Variants in USP16 observed in about 807,000 individuals in gnomAD.
USP16 encodes ubiquitin specific peptidase 16.
In USP16, 77 loss-of-function variants were observed where a neutral mutation model predicts 95.9. The observed-to-expected ratio is 0.80, with a 90% CI of 0.67 to 0.97. USP16 has a LOEUF of 0.97. Ranked by LOEUF, USP16 falls within the 50% of genes least tolerant of loss-of-function variation. The pLI is 0.00. For missense variants in USP16, 943 were observed against 959.9 expected (o/e 0.98, Z 0.23); for synonymous variants, 303 against 318.2 (o/e 0.95, Z 0.51).
At chr21:29,026,525 T>A in intron 1 of USP16, 1 of 139,126 alleles carries the variant, frequency 7.2e-6, no homozygotes, top group South Asian at 2.4e-4. Flanking sequence ...AACCCAAACA[T>A]CTGCATTTTA....
intron 2 of USP16, among the ~76,000 whole-genome samples, chr21:29,030,301 G>A (rs372904983): frequency 2.6e-4 from 39 of 152,042 alleles, no homozygotes; most frequent in African/African-American, 9.4e-4. Flanking sequence ...TATGATAAAG[G>A]GCCTTAATTT....
At chr21:29,038,029 A>C (rs2832155) in intron 6 of USP16, among the ~76,000 whole-genome samples, 102,153 of 152,098 alleles carry the variant, frequency 0.67, 35,141 homozygotes, top group South Asian at 0.78. Context: ...CCTCATATAG[A>C]AGCAAATACG....
intron 13 of USP16, among the ~76,000 whole-genome samples, chr21:29,046,240 G>A (rs1002571966): frequency 6.6e-6 from 1 of 152,182 alleles, no homozygotes; most frequent in Admixed American, 6.5e-5. Flanking sequence ...GGGCTCAAGT[G>A]ATCCTCCCAC....
Position 29,030,616 on chromosome 21 carries a change from G to C in USP16, c.83G>C (p.Arg28Thr), listed in dbSNP as rs2146361823. Residue 28 changes from arginine (R) to threonine (T), a missense_variant, in exon 3 of 18, where the codon AGA becomes ACA. Transcript: ENST00000399976. ...ATAGAACCTGTGTGCAGACACATTA[G>C]AAAAGGATTGGAACAAGGTAATTTG... is the stretch of plus-strand genomic sequence containing the variant. ...ETLEPVCRHIRKGLEQGNLKK... is the reference protein window; with the variant it reads ...ETLEPVCRHITKGLEQGNLKK... The C allele has an allele frequency of 6.2e-7, 1 of 1,608,934 alleles. No homozygotes were observed. Among genetic ancestry groups the C allele is most frequent in the East Asian group, 2.2e-5 (1 of 44,762 alleles).
In USP16 at chr21:29,048,782, C is replaced by G; in HGVS notation, c.2033C>G (p.Thr678Ser). The change falls in exon 15 of 18, where the codon ACC (threonine) becomes AGC (serine). Residue 678 changes from threonine (T) to serine (S), a missense_variant. By Grantham distance (58) the Thr-to-Ser change is moderately conservative. Transcript: ENST00000399976. ...TTAGGTGAAAGGAAGCATGTTTACA[C>G]CAATGCCAAAAAGCAGATGCTAATT... The part of the protein sequence containing the change: ...NIKGERKHVY[T>S]NAKKQMLISL... 1 of 1,613,666 alleles carries G rather than the reference C, an allele frequency of 6.2e-7. No homozygotes were observed. The highest frequency in any genetic ancestry group is 8.5e-7 in the Non-Finnish European group (1 of 1,179,846).
intron 9 of USP16, 72 bp downstream of exon 9, chr21:29,039,640 G>T (rs1396324438): frequency 2.8e-6 from 4 of 1,414,810 alleles, no homozygotes; most frequent in East Asian, 5.0e-5. Flanking sequence ...GATATCTTAC[G>T]AGTTAAAACA....
chr21:29,034,005 T>A (rs1217614853), intron 3 of USP16, among the ~76,000 whole-genome samples: 2 of 152,166 alleles, frequency 1.3e-5, no homozygotes, highest in African/African-American at 4.8e-5. Context: ...TAGCTGGTCG[T>A]TGGTATGTGA....
intron 1 of USP16, 76 bp downstream of exon 1, chr21:29,024,853 C>G: frequency 8.2e-7 from 1 of 1,214,576 alleles, no homozygotes; most frequent in South Asian, 1.4e-5. Context: ...GTTTTCCGCC[C>G]CAACTTCGTT....
At chr21:29,033,860 G>A (rs2085112535) in intron 3 of USP16, among the ~76,000 whole-genome samples, 2 of 152,318 alleles carry the variant, frequency 1.3e-5, no homozygotes, top group East Asian at 3.9e-4. Context: ...TAGGCTTCTG[G>A]GAGGAGGTGG....
chr21:29,043,556 A>C lies in USP16; in HGVS notation c.1313A>C (p.His438Pro). The C allele has an allele frequency of 6.4e-7, 1 of 1,574,326 alleles. No homozygotes were observed. The change falls in exon 13 of 18, where the codon CAC (histidine) becomes CCC (proline). Residue 438 changes from histidine to proline, a missense_variant. Physicochemically the swap from His to Pro is moderately conservative, Grantham distance 77. Coordinates refer to ENST00000399976, the MANE Select transcript of USP16 (RefSeq NM_006447.3). ...RSDIPSGTSK[H>P]LQKKAKKQAK... ...GATATTCCTTCTGGAACAAGTAAGCACTTACAGAAAAAAGCAAAGAAACAA... is the reference window on the plus strand; with the variant it reads ...GATATTCCTTCTGGAACAAGTAAGCCCTTACAGAAAAAAGCAAAGAAACAA...
At position 29,054,179 on chromosome 21, in the gene USP16, ATACTG is replaced by A; in HGVS notation, c.2467_2471del (p.Leu823IlefsTer16). The A allele has an allele frequency of 6.2e-7, 1 of 1,613,366 alleles. No individual in the cohort carries two copies. Among genetic ancestry groups the A allele is most frequent in the Non-Finnish European group, 8.5e-7 (1 of 1,179,438 alleles). ...AGCGTACCTCCTATTTTATGAGAGA[ATACTG>A]TAATAATATCAAAAGCACTTTTTCT... On this transcript the variant is annotated frameshift_variant, in exon 18 of 18. Coordinates refer to ENST00000399976, the MANE Select transcript of USP16 (RefSeq NM_006447.3). LOFTEE classifies it high-confidence loss of function.
Position 29,054,006 on chromosome 21 carries a change from C to G in USP16, c.2350+48C>G, listed in dbSNP as rs753518659. On this transcript the variant is annotated intron_variant, in intron 17 of 17. Coordinates refer to ENST00000399976, the MANE Select transcript of USP16 (RefSeq NM_006447.3). ...GGCACTCAGCAGATTACGGCAAAAC[C>G]AAAAAGTAATCAACTTGAATCTTTC... 5.6e-6 allele frequency: 9 copies of G among 1,612,564 alleles called. No individual in the cohort carries two copies. In the South Asian group the frequency reaches 8.8e-5, roughly 16 times the overall value.
intron 7 of USP16, 59 bp downstream of exon 7, chr21:29,038,489 A>T (rs1395895287): frequency 6.5e-6 from 8 of 1,223,910 alleles, no homozygotes; most frequent in Non-Finnish European, 9.5e-6. Flanking sequence ...TGTTTTCTAA[A>T]TTATTTTAAA....
At position 29,036,362 on chromosome 21, in the gene USP16, A is replaced by G. The variant is rs376320329; in HGVS notation, c.436A>G (p.Thr146Ala). ...DYVRKQASIT[T>A]PKPAEKDNGN... ...TGTCAGAAAACAAGCCAGCATTACAACTCCAAAGCCAGGTAAAATAATTTG... is the reference window on the plus strand; with the variant it reads ...TGTCAGAAAACAAGCCAGCATTACAGCTCCAAAGCCAGGTAAAATAATTTG... The change falls in exon 5 of 18, where the codon ACT (threonine) becomes GCT (alanine). Residue 146 changes from threonine to alanine, a missense_variant. Coordinates refer to ENST00000399976, the MANE Select transcript of USP16 (RefSeq NM_006447.3). 7 of 1,613,608 alleles carry G rather than the reference A, an allele frequency of 4.3e-6. No homozygotes were observed. In the African/African-American group the frequency reaches 8.0e-5, roughly 18 times the overall value.
intron 12 of USP16, chr21:29,042,907 G>A (rs1288773446): frequency 6.1e-6 from 1 of 163,366 alleles, no homozygotes; most frequent in Non-Finnish European, 1.3e-5. Context: ...CTTTTAAATA[G>A]TAGTAGGAAA....
At position 29,043,531 on chromosome 21, in the gene USP16, GAT is replaced by G; in HGVS notation, c.1291_1292del (p.Ile431SerfsTer6). The G allele has an allele frequency of 6.3e-7, 1 of 1,599,136 alleles. No homozygotes were observed. The highest frequency in any genetic ancestry group is 8.5e-7 in the Non-Finnish European group (1 of 1,174,238). On this transcript the variant is annotated frameshift_variant, in exon 13 of 18. Transcript: ENST00000399976. LOFTEE classifies it high-confidence loss of function. ...CGACAGTTACATAAAAGAGAGAAGT[GAT>G]ATTCCTTCTGGAACAAGTAAGCACT... ...DNDSYIKERS[D>X]IPSGTSKHLQ...
Position 29,024,716 on chromosome 21 carries a change from G to C in USP16, c.-103G>C. ...CTCAATTCGTCACCAGGAGGAAGACGGAGCTGGCTGCCCAGCCCAAAGGCC... is the reference window on the plus strand; with the variant it reads ...CTCAATTCGTCACCAGGAGGAAGACCGAGCTGGCTGCCCAGCCCAAAGGCC... On this transcript the variant is annotated 5_prime_UTR_variant, in exon 1 of 18. Coordinates refer to ENST00000399976, the MANE Select transcript of USP16 (RefSeq NM_006447.3). The C allele has an allele frequency of 7.8e-7, 1 of 1,289,400 alleles. No individual in the cohort carries two copies. Among genetic ancestry groups the C allele is most frequent in the Non-Finnish European group, 1.0e-6 (1 of 988,870 alleles). 79.9% of individuals were successfully genotyped at this position (1,289,400 alleles called of 1,614,324 possible).
Position 29,037,401 on chromosome 21 carries a change from C to G in USP16, c.574C>G (p.Gln192Glu). The G allele has an allele frequency of 6.2e-7, 1 of 1,609,206 alleles. No homozygotes were observed. The highest frequency in any genetic ancestry group is 8.5e-7 in the Non-Finnish European group (1 of 1,178,184). ...GAATCCTCCCATGAATTCTCCTTGC[C>G]AAATAACCGTGAAAGGACTCAGTAA... Reference protein sequence around the residue: ...KENPPMNSPCQITVKGLSNLG... With the variant: ...KENPPMNSPCEITVKGLSNLG... Residue 192 changes from glutamine (Q) to glutamate (E), a missense_variant, in exon 6 of 18, where the codon CAA becomes GAA. Transcript: ENST00000399976.
At position 29,054,247 on chromosome 21, in the gene USP16, C is replaced by T. The variant is rs75813013; in HGVS notation, c.*60C>T. The T allele has an allele frequency of 8.5e-5, 131 of 1,535,934 alleles. No individual in the cohort carries two copies. In the East Asian group the frequency reaches 1.3e-3, roughly 15 times the overall value. On this transcript the variant is annotated 3_prime_UTR_variant, in exon 18 of 18. Transcript: ENST00000399976. ...ATGGCTTTTATAATGGCTGAAATAA[C>T]GATAAAAAAAGACTAATTAAAATCA...
Sources: gnomAD v4.1 joint callset for allele counts (sites outside exome capture counted in the v4.1 genomes callset) on GRCh38, gnomAD v4.1.1 for gene constraint, MANE v1.5 for transcripts, NCBI Gene and HGNC (gene_info 2026-07-23, HGNC 2026-07-21) for gene names.